SDK1: variants seen among roughly 807,000 people sequenced by gnomAD.
SDK1 encodes protein sidekick-1.
SDK1 carries 157 observed loss-of-function variants against 245.5 expected under a neutral mutation model. That is an observed-to-expected ratio of 0.64 (90% CI 0.56 to 0.73). The LOEUF is 0.73. Among genes scored for constraint, SDK1 ranks in the 30% least tolerant of loss-of-function variants. The probability of loss-of-function intolerance (pLI) is 0.00; values close to 1 mark genes in which losing one functional copy is unlikely to be tolerated. For synonymous variants in SDK1, 1,647 were observed against 1,278.5 expected (o/e 1.29, Z -6.15); for missense variants, 3,583 against 3,002.3 (o/e 1.19, Z -4.52).
In SDK1 at chr7:3,670,900, CT is replaced by C. The variant is rs537669392; in HGVS notation, c.713+28801del. Among the ~76,000 whole-genome samples the C allele has an allele frequency of 5.3e-5, 8 of 152,252 alleles. No homozygotes were observed. The South Asian group carries it at 1.7e-3, about 32-fold the overall frequency. On this transcript the variant is annotated intron_variant, in intron 4 of 44. Transcript: ENST00000404826. ...CTTTTGTGCTCAGTTCAAGAGTAAC[CT>C]TTTTTAGGAAACCTTCTTTGATTCC...
rs143604180 is a variant in SDK1, at chr7:3,647,719, C to T, written c.713+5614C>T. Among the ~76,000 whole-genome samples the T allele has an allele frequency of 2.3e-4, 35 of 152,238 alleles. No individual in the cohort carries two copies. The East Asian group carries it at 2.7e-3, about 12-fold the overall frequency. On this transcript the variant is annotated intron_variant, in intron 4 of 44. Coordinates refer to ENST00000404826, the MANE Select transcript of SDK1 (RefSeq NM_152744.4). The stretch of plus-strand genomic sequence containing the variant: ...TGCTGGGATTACAGACCACCGTGCC[C>T]GGCCAGTTTTAGGTGGTTTTGACCA...
At chr7:3,315,928 CATT>C (rs1292863520) in intron 1 of SDK1, among the ~76,000 whole-genome samples, 2 of 152,038 alleles carry the variant, frequency 1.3e-5, no homozygotes, top group Non-Finnish European at 2.9e-5. Flanking sequence ...GTTACAGGCT[CATT>C]ATAAGAATAA....
At chr7:3,445,643 A>G (rs934075312) in intron 1 of SDK1, among the ~76,000 whole-genome samples, 3 of 152,168 alleles carry the variant, frequency 2.0e-5, no homozygotes, top group Non-Finnish European at 2.9e-5. Context: ...CATTGGTACA[A>G]TGTATATGTG....
chr7:3,601,704 T>C (rs893075759), intron 1 of SDK1, among the ~76,000 whole-genome samples: 4 of 151,960 alleles, frequency 2.6e-5, no homozygotes, highest in Non-Finnish European at 4.4e-5. Context: ...TACTTTAAGT[T>C]TTAGGGTACA....
At chr7:3,439,502 C>T (rs958871557) in intron 1 of SDK1, among the ~76,000 whole-genome samples, 1 of 152,098 alleles carries the variant, frequency 6.6e-6, no homozygotes. Context: ...AGTTAATGTG[C>T]CAAGAAGCAT....
chr7:3,455,584 C>T (rs922366163), intron 1 of SDK1, among the ~76,000 whole-genome samples: 1 of 152,068 alleles, frequency 6.6e-6, no homozygotes, highest in Non-Finnish European at 1.5e-5. Flanking sequence ...AAAAAATTAG[C>T]TGGGCATCTT....
chr7:3,726,438 C>T (rs1409504076), intron 4 of SDK1, among the ~76,000 whole-genome samples: 2 of 152,146 alleles, frequency 1.3e-5, no homozygotes, highest in African/African-American at 4.8e-5. Context: ...AGTCTTATGG[C>T]AAATTTTGAG....
intron 20 of SDK1, among the ~76,000 whole-genome samples, chr7:4,068,192 G>A (rs545379502): frequency 1.2e-4 from 19 of 152,356 alleles, no homozygotes; most frequent in Admixed American, 2.6e-4. Context: ...CATGATCTTA[G>A]TAGGTGTCCA....
rs113463516 is a variant in SDK1 at position 3,376,090 on chromosome 7, G to T, written c.298+74206G>T. 4.9e-3 allele frequency among the ~76,000 whole-genome samples: 752 copies of T among 152,248 alleles called. 8 individuals are homozygous for T. The highest frequency in any genetic ancestry group is 0.017 in the African/African-American group (687 of 41,536). On this transcript the variant is annotated intron_variant, in intron 1 of 44. Transcript: ENST00000404826. ...CTTATGCCTGCAATCCTAGTGCTTT[G>T]GGAGGCTGAGGTAGGAGGATTGCTT...
chr7:3,720,574 G>A (rs190575748), intron 4 of SDK1, among the ~76,000 whole-genome samples: 1 of 152,174 alleles, frequency 6.6e-6, no homozygotes, highest in Non-Finnish European at 1.5e-5. Context: ...AAAGTTGATA[G>A]CACCAGATAA....
intron 1 of SDK1, among the ~76,000 whole-genome samples, chr7:3,544,839 C>T (rs1282528975): frequency 6.6e-6 from 1 of 152,190 alleles, no homozygotes; most frequent in Non-Finnish European, 1.5e-5. Context: ...TGAGGTGTCA[C>T]TGCTCGTCAC....
intron 37 of SDK1, among the ~76,000 whole-genome samples, chr7:4,209,057 A>T (rs1227182615): frequency 6.6e-6 from 1 of 152,142 alleles, no homozygotes; most frequent in African/African-American, 2.4e-5. Context: ...GGTTCAGCTG[A>T]CCCACAGACA....
At chr7:3,352,803 A>G (rs1780695113) in intron 1 of SDK1, among the ~76,000 whole-genome samples, 1 of 151,634 alleles carries the variant, frequency 6.6e-6, no homozygotes, top group African/African-American at 2.4e-5. Context: ...AGTTCTGAGG[A>G]GCATGAAAAA....
intron 4 of SDK1, among the ~76,000 whole-genome samples, chr7:3,680,500 C>G (rs1027173897): frequency 1.3e-5 from 2 of 152,136 alleles, no homozygotes; most frequent in South Asian, 4.1e-4. Flanking sequence ...TAAGTGAGGT[C>G]TGGGTGTTGT....
intron 1 of SDK1, among the ~76,000 whole-genome samples, chr7:3,310,436 A>G (rs771439857): frequency 3.3e-5 from 5 of 152,178 alleles, no homozygotes; most frequent in Non-Finnish European, 7.3e-5. Flanking sequence ...GTGGTGCTGG[A>G]GATGGAGAGA....
At chr7:3,791,248 C>T (rs1226977762) in intron 4 of SDK1, among the ~76,000 whole-genome samples, 2 of 151,984 alleles carry the variant, frequency 1.3e-5, no homozygotes, top group African/African-American at 4.8e-5. Context: ...AACCTAGCAA[C>T]ATTGTGCTGG....
In SDK1 at chr7:3,548,197, TA is replaced by T. The variant is rs1159920227; in HGVS notation, c.299-70881del. On this transcript the variant is annotated intron_variant, in intron 1 of 44. Coordinates refer to ENST00000404826, the MANE Select transcript of SDK1 (RefSeq NM_152744.4). Reference sequence around the variant, plus strand: ...CAAGTATATATGAAGATCTGAAATGTAATAGACCTGGCAAAACTCAGTTCAT... The same window carrying T: ...CAAGTATATATGAAGATCTGAAATGTATAGACCTGGCAAAACTCAGTTCAT... Among the ~76,000 whole-genome samples the T allele has an allele frequency of 5.3e-5, 8 of 152,362 alleles. No individual in the cohort carries two copies. The South Asian group carries it at 1.7e-3, about 32-fold the overall frequency.
intron 5 of SDK1, among the ~76,000 whole-genome samples, chr7:3,944,853 A>G (rs1780511484): frequency 6.6e-6 from 1 of 152,216 alleles, no homozygotes; most frequent in Admixed American, 6.5e-5. Context: ...AGGCATCACA[A>G]CCACCTGGGG....
At chr7:3,813,537 G>C (rs1282569392) in intron 4 of SDK1, among the ~76,000 whole-genome samples, 39 of 149,656 alleles carry the variant, frequency 2.6e-4, no homozygotes, top group African/African-American at 8.4e-4. Context: ...TTGGTTCCAA[G>C]TCTTTGCTAT....
Sources: allele counts gnomAD v4.1 joint callset (sites outside exome capture counted in the v4.1 genomes callset), GRCh38; gene constraint gnomAD v4.1.1; transcripts MANE v1.5; gene names NCBI Gene and HGNC (gene_info 2026-07-23, HGNC 2026-07-21).